Variants in PITPNC1 observed in about 807,000 individuals in gnomAD.
The protein encoded by PITPNC1 is cytoplasmic phosphatidylinositol transfer protein 1.
Under a neutral mutation model 44.7 loss-of-function variants are expected in PITPNC1, and 18 were observed. The ratio of observed to expected loss-of-function variants is 0.40; its 90% CI spans 0.28 to 0.60. The LOEUF (loss-of-function observed/expected upper bound fraction) is 0.60, where lower values mean the gene tolerates loss of function less well. Ranked by LOEUF, PITPNC1 falls within the 20% of genes least tolerant of loss-of-function variation. The pLI is 0.39. For missense variants in PITPNC1, 290 were observed against 418.4 expected (o/e 0.69, Z 2.68); for synonymous variants, 141 against 149.6 (o/e 0.94, Z 0.42).
chr17:67,604,956 G>A (rs1032615187), intron 5 of PITPNC1, among the ~76,000 whole-genome samples: 32 of 152,180 alleles, frequency 2.1e-4, no homozygotes, highest in African/African-American at 7.5e-4. Flanking sequence ...GGATGCGCCT[G>A]TAGTCCCAGT....
chr17:67,687,863 G>A (rs1331961067), intron 8 of PITPNC1, among the ~76,000 whole-genome samples: 1 of 152,020 alleles, frequency 6.6e-6, no homozygotes, highest in African/African-American at 2.4e-5. Context: ...AGCATTTTAA[G>A]TATCGTAATC....
intron 1 of PITPNC1, among the ~76,000 whole-genome samples, chr17:67,511,042 T>C (rs1206746725): frequency 6.6e-6 from 1 of 152,158 alleles, no homozygotes; most frequent in Non-Finnish European, 1.5e-5. Context: ...TAGATTTTTC[T>C]TTTTCTATTC....
chr17:67,467,925 C>T lies in PITPNC1; in HGVS notation c.49-64877C>T, dbSNP rs557336012. On this transcript the variant is annotated intron_variant, in intron 1 of 8. Coordinates refer to ENST00000581322, the MANE Select transcript of PITPNC1 (RefSeq NM_012417.4). ...GTGTCAGAATTGAGTTGGAGACTTA[C>T]GATGTAATTGCATGTCTTGTATTTC... 2.0e-5 allele frequency among the ~76,000 whole-genome samples: 3 copies of T among 152,294 alleles called. No individual in the cohort carries two copies. In the South Asian group the frequency reaches 6.2e-4, roughly 32 times the overall value.
intron 8 of PITPNC1, among the ~76,000 whole-genome samples, chr17:67,683,846 C>CCT (rs1363895322): frequency 6.6e-6 from 1 of 151,344 alleles, no homozygotes; most frequent in East Asian, 2.0e-4. Context: ...GGCGTGGTGG[C>CCT]ACACACCAGT....
chr17:67,502,375 T>C (rs758633690), intron 1 of PITPNC1, among the ~76,000 whole-genome samples: 4 of 152,098 alleles, frequency 2.6e-5, no homozygotes, highest in Non-Finnish European at 5.9e-5. Context: ...GAAATTGTAA[T>C]GCAGATTTGG....
chr17:67,430,386 G>C (rs1043042398), intron 1 of PITPNC1, among the ~76,000 whole-genome samples: 1 of 152,122 alleles, frequency 6.6e-6, no homozygotes, highest in African/African-American at 2.4e-5. Flanking sequence ...TACTTGGGAG[G>C]CTGAGGCAGG....
At chr17:67,387,193 A>C (rs958142485) in intron 1 of PITPNC1, among the ~76,000 whole-genome samples, 1 of 152,222 alleles carries the variant, frequency 6.6e-6, no homozygotes, top group African/African-American at 2.4e-5. Flanking sequence ...GGAGTAGAGC[A>C]GTGTGATGGC....
At chr17:67,399,116 G>A (rs1364051652) in intron 1 of PITPNC1, among the ~76,000 whole-genome samples, 1 of 147,360 alleles carries the variant, frequency 6.8e-6, no homozygotes, top group African/African-American at 2.5e-5. Flanking sequence ...CTGGGTTCAA[G>A]CGATTCTCCT....
intron 4 of PITPNC1, among the ~76,000 whole-genome samples, chr17:67,577,677 A>G (rs1176818507): frequency 6.6e-6 from 1 of 151,688 alleles, no homozygotes. Context: ...AAAATTAAAA[A>G]TAAATTTATG....
At chr17:67,494,953 A>T (rs2039922843) in intron 1 of PITPNC1, among the ~76,000 whole-genome samples, 1 of 147,466 alleles carries the variant, frequency 6.8e-6, no homozygotes, top group Non-Finnish European at 1.5e-5. Context: ...AGCCTGGGTG[A>T]CGGGGAGACC....
chr17:67,597,792 A>G lies in PITPNC1; in HGVS notation c.366+19535A>G, dbSNP rs531848982. 2.0e-5 allele frequency among the ~76,000 whole-genome samples: 3 copies of G among 152,252 alleles called. No individual in the cohort carries two copies. Among genetic ancestry groups the G allele is most frequent in the African/African-American group, 7.2e-5 (3 of 41,542 alleles). ...AGGCAGTGGGGTAGGCTCTATGGAGAACACATGCTAGAGGGTGAGAATGGG... is the reference window on the plus strand; with the variant it reads ...AGGCAGTGGGGTAGGCTCTATGGAGGACACATGCTAGAGGGTGAGAATGGG... On this transcript the variant is annotated intron_variant, in intron 5 of 8. Coordinates refer to ENST00000581322, the MANE Select transcript of PITPNC1 (RefSeq NM_012417.4). This position sits in a 1 kb window ranked among gnomAD's most constrained non-coding sequence, Gnocchi z 4.0.
intron 5 of PITPNC1, among the ~76,000 whole-genome samples, chr17:67,624,609 TG>T (rs1396574274): frequency 6.6e-6 from 1 of 152,184 alleles, no homozygotes. Flanking sequence ...GTGCAACCTC[TG>T]CCTTCTGGAT....
intron 4 of PITPNC1, among the ~76,000 whole-genome samples, chr17:67,564,195 GGA>G (rs1286596064): frequency 6.6e-6 from 1 of 151,928 alleles, no homozygotes; most frequent in Admixed American, 6.6e-5. Context: ...ATGGATGGAT[GGA>G]TGGATGAGAG....
intron 1 of PITPNC1, among the ~76,000 whole-genome samples, chr17:67,488,549 CTCT>C (rs2039816126): frequency 6.6e-6 from 1 of 152,240 alleles, no homozygotes; most frequent in Non-Finnish European, 1.5e-5. Flanking sequence ...CACATGTGGG[CTCT>C]TTTTTTGTTC....
At chr17:67,683,881 G>A (rs1439476697) in intron 8 of PITPNC1, among the ~76,000 whole-genome samples, 1 of 151,594 alleles carries the variant, frequency 6.6e-6, no homozygotes, top group South Asian at 2.1e-4. Flanking sequence ...GGGAGGCTGA[G>A]GCGGGAGAAT....
At chr17:67,589,982 G>A (rs1012414918) in intron 5 of PITPNC1, among the ~76,000 whole-genome samples, 5 of 151,330 alleles carry the variant, frequency 3.3e-5, no homozygotes, top group African/African-American at 1.2e-4. Flanking sequence ...GGAAAGGAAA[G>A]GAAAGGAAGA....
At chr17:67,491,311 C>T (rs1196139111) in intron 1 of PITPNC1, among the ~76,000 whole-genome samples, 1 of 152,248 alleles carries the variant, frequency 6.6e-6, no homozygotes, top group African/African-American at 2.4e-5. Flanking sequence ...TAACCCAGAT[C>T]TGCCAGATGT....
At chr17:67,448,667 G>A (rs984391918) in intron 1 of PITPNC1, among the ~76,000 whole-genome samples, 1 of 152,138 alleles carries the variant, frequency 6.6e-6, no homozygotes, top group Non-Finnish European at 1.5e-5. Flanking sequence ...TCTTTCCTGT[G>A]GGCTCTTATC....
chr17:67,573,556 CTTTTTTTTT>C (rs35434515), intron 4 of PITPNC1, among the ~76,000 whole-genome samples: 1 of 84,052 alleles, frequency 1.2e-5, no homozygotes, highest in Non-Finnish European at 2.2e-5. Context: ...ACTGAATACT[CTTTTTTTTT>C]TTTTTTTTTT....
Sources: allele counts gnomAD v4.1 joint callset (sites outside exome capture counted in the v4.1 genomes callset), GRCh38; gene constraint gnomAD v4.1.1; non-coding constraint Gnocchi (gnomAD v3.1); transcripts MANE v1.5; gene names NCBI Gene and HGNC (gene_info 2026-07-23, HGNC 2026-07-21).